Variants in STK32A observed in about 807,000 individuals in gnomAD.
STK32A encodes the protein serine/threonine kinase 32A.
In STK32A, 41 loss-of-function variants were observed where a neutral mutation model predicts 53.2. The observed-to-expected ratio is 0.77, with a 90% confidence interval of 0.60 to 1.00. The LOEUF is 1.00. STK32A is among the 50% of genes least tolerant of loss of function. The pLI is 0.00. For missense variants in STK32A, 458 were observed against 485.8 expected, an observed-to-expected ratio of 0.94 and a Z score of 0.54; for synonymous variants, 166 against 162.8, an observed-to-expected ratio of 1.02 and a Z score of -0.15.
At chr5:147,330,495 A>G (rs1343347752) in intron 5 of STK32A, among the ~76,000 whole-genome samples, 1 of 152,230 alleles carries the variant, frequency 6.6e-6, no homozygotes, top group Non-Finnish European at 1.5e-5. Flanking sequence ...GTGAACACCA[A>G]AAGCTGGGAA....
chr5:147,394,064 C>T, the STK32A span: 1 of 1,614,024 alleles, frequency 6.2e-7, no homozygotes, highest in African/African-American at 1.3e-5. Context: ...TTAGAACGGC[C>T]GCCTGGGGGC....
At chr5:147,399,289 C>A in the STK32A span, 1 of 1,596,450 alleles carries the variant, frequency 6.3e-7, no homozygotes, top group Admixed American at 1.7e-5. Context: ...ATATCTATAG[C>A]TACATATATA....
At chr5:147,248,527 T>A (rs1380492949) in intron 2 of STK32A, among the ~76,000 whole-genome samples, 1 of 152,200 alleles carries the variant, frequency 6.6e-6, no homozygotes, top group African/African-American at 2.4e-5. Context: ...CTAGGCAGAA[T>A]TTGCTTCCTA....
chr5:147,364,046 T>C (rs1756636158), intron 8 of STK32A, among the ~76,000 whole-genome samples: 1 of 151,750 alleles, frequency 6.6e-6, no homozygotes, highest in South Asian at 2.1e-4. Flanking sequence ...AGAAACCCCA[T>C]CTGTACTAAA....
intron 4 of STK32A, among the ~76,000 whole-genome samples, chr5:147,311,950 G>A (rs187035948): frequency 3.9e-5 from 6 of 152,150 alleles, no homozygotes; most frequent in Non-Finnish European, 2.9e-5. Flanking sequence ...GGGCAGAGGG[G>A]GAAACACAGA....
intron 2 of STK32A, among the ~76,000 whole-genome samples, chr5:147,276,618 C>G (rs1467205815): frequency 1.3e-5 from 2 of 152,140 alleles, no homozygotes; most frequent in East Asian, 1.9e-4. Flanking sequence ...CTTCAACTAC[C>G]TAAGCCAGGA....
chr5:147,314,522 A>AC (rs1249515955), intron 4 of STK32A, among the ~76,000 whole-genome samples: 31 of 19,346 alleles, frequency 1.6e-3, no homozygotes, highest in Non-Finnish European at 4.5e-3. Flanking sequence ...AAAAACAAAA[A>AC]AAAACAAAAA....
intron 2 of STK32A, among the ~76,000 whole-genome samples, chr5:147,245,223 CTGATT>C (rs746659922): frequency 2.0e-5 from 3 of 152,122 alleles, no homozygotes; most frequent in Admixed American, 6.5e-5. Context: ...TTTACTTTGT[CTGATT>C]TAAGTCCCAA....
At chr5:147,348,049 T>C (rs1755772220) in intron 6 of STK32A, among the ~76,000 whole-genome samples, 1 of 152,242 alleles carries the variant, frequency 6.6e-6, no homozygotes, top group Non-Finnish European at 1.5e-5. Context: ...GATCTTGTGA[T>C]ACAGCACACA....
At chr5:147,377,018 G>A (rs530209962) in intron 11 of STK32A, among the ~76,000 whole-genome samples, 1 of 152,152 alleles carries the variant, frequency 6.6e-6, no homozygotes, top group Admixed American at 6.5e-5. Flanking sequence ...ATATTAGCAA[G>A]GTGTTCAGTT....
chr5:147,328,718 T>G (rs1754719940), intron 5 of STK32A, among the ~76,000 whole-genome samples: 1 of 152,184 alleles, frequency 6.6e-6, no homozygotes, highest in South Asian at 2.1e-4. Flanking sequence ...CAAAACTCAT[T>G]ACAATCTCTT....
At chr5:147,382,549 T>G (rs1757494411) in intron 11 of STK32A, among the ~76,000 whole-genome samples, 1 of 152,162 alleles carries the variant, frequency 6.6e-6, no homozygotes, top group Admixed American at 6.6e-5. Context: ...GTGATAAATC[T>G]AGGAAAATCA....
intron 4 of STK32A, among the ~76,000 whole-genome samples, chr5:147,320,213 T>C (rs951305930): frequency 7.2e-5 from 11 of 152,376 alleles, no homozygotes; most frequent in African/African-American, 2.6e-4. Flanking sequence ...TTAGAGTCTC[T>C]TCCCAACCCT....
intron 4 of STK32A, among the ~76,000 whole-genome samples, chr5:147,319,878 G>T (rs999841684): frequency 6.6e-6 from 1 of 152,098 alleles, no homozygotes; most frequent in African/African-American, 2.4e-5. Flanking sequence ...CCTTGCTGGG[G>T]TAGCATCAGA....
the STK32A span, among the ~76,000 whole-genome samples, chr5:147,397,461 A>G: frequency 5.9e-3 from 891 of 152,268 alleles, 9 homozygotes; most frequent in African/African-American, 0.02. Context: ...GTCATTTGGG[A>G]AAAAAAGCTC....
intron 4 of STK32A, among the ~76,000 whole-genome samples, chr5:147,309,001 T>C (rs1753561030): frequency 6.6e-6 from 1 of 151,504 alleles, no homozygotes; most frequent in Admixed American, 6.6e-5. Context: ...TATTTATATA[T>C]ATTCCTACAT....
chr5:147,321,144 C>G (rs1437687205), intron 4 of STK32A, among the ~76,000 whole-genome samples: 1 of 152,144 alleles, frequency 6.6e-6, no homozygotes, highest in African/African-American at 2.4e-5. Flanking sequence ...TGCACTGGGA[C>G]CAGACTTGTT....
At chr5:147,260,202 CT>C (rs1561675206) in intron 2 of STK32A, among the ~76,000 whole-genome samples, 2 of 46,716 alleles carry the variant, frequency 4.3e-5, no homozygotes, top group Admixed American at 2.4e-4. Context: ...TCTCTCTCTC[CT>C]CTCTCTCTCC....
chr5:147,298,799 A>T (rs1393367505), intron 4 of STK32A, among the ~76,000 whole-genome samples: 2 of 152,370 alleles, frequency 1.3e-5, no homozygotes, highest in South Asian at 4.1e-4. Context: ...AAACAAAGTA[A>T]ATATAATCTC....
Sources: gnomAD v4.1 joint callset for allele counts (sites outside exome capture counted in the v4.1 genomes callset) on GRCh38, gnomAD v4.1.1 for gene constraint, MANE v1.5 for transcripts, NCBI Gene and HGNC (gene_info 2026-07-23, HGNC 2026-07-21) for gene names.